SND1: variants seen among roughly 807,000 people sequenced by gnomAD.
The protein encoded by SND1 is staphylococcal nuclease and tudor domain containing 1, also known as staphylococcal nuclease domain-containing protein 1.
SND1 carries 38 observed loss-of-function variants against 121.7 expected under a neutral mutation model. The observed-to-expected ratio is 0.31, with a 90% confidence interval of 0.24 to 0.41. The LOEUF is 0.41. SND1 is among the 10% of genes least tolerant of loss of function. SND1 has a pLI of 1.00. For synonymous variants in SND1, 401 were observed against 447.4 expected (o/e 0.90, Z 1.31); for missense variants, 868 against 1,184.6 (o/e 0.73, Z 3.92).
chr7:127,922,194 T>TTTTTGTTTTTTTTTGTTTTTTTTTG (rs1554443290), intron 14 of SND1, among the ~76,000 whole-genome samples: 1 of 63,594 alleles, frequency 1.6e-5, no homozygotes, highest in African/African-American at 4.7e-5. Flanking sequence ...TTTTTTTTTT[T>TTTTTGTTTTTTTTTGTTTTTTTTTG]TTTTTTTTTG....
chr7:127,931,069 T>A (rs1800948321), intron 15 of SND1, among the ~76,000 whole-genome samples: 1 of 152,212 alleles, frequency 6.6e-6, no homozygotes, highest in Admixed American at 6.5e-5. Context: ...GATGGTAAAC[T>A]TAATTGATAA....
At chr7:127,887,719 G>C (rs866870207) in intron 12 of SND1, among the ~76,000 whole-genome samples, 183 bp from the exon 13 acceptor site, 1 of 151,882 alleles carries the variant, frequency 6.6e-6, no homozygotes, top group South Asian at 2.1e-4. Context: ...CTGAGCTAGG[G>C]AACTTTGTTA....
At chr7:127,980,918 A>G (rs1424053066) in intron 15 of SND1, among the ~76,000 whole-genome samples, 1 of 148,642 alleles carries the variant, frequency 6.7e-6, no homozygotes, top group East Asian at 2.0e-4. Flanking sequence ...TTAACATGGA[A>G]TAAAAAAGAC....
Position 127,679,861 on chromosome 7 carries a change from CTTT to C in SND1, c.79-6747_79-6745del, listed in dbSNP as rs765740254. ...TTGATGAACATTTATTGTTTTCTCT[CTTT>C]TTTTGGCTATTATGAATGATGTTGC... On this transcript the variant is annotated intron_variant, in intron 1 of 23. Transcript: ENST00000354725. Among the ~76,000 whole-genome samples the C allele has an allele frequency of 7.2e-5, 11 of 152,190 alleles. No homozygotes were observed. In the East Asian group the frequency reaches 1.9e-3, roughly 27 times the overall value.
intron 14 of SND1, among the ~76,000 whole-genome samples, chr7:127,928,506 G>A (rs141218795): frequency 0.014 from 1,955 of 139,354 alleles, 25 homozygotes; most frequent in South Asian, 0.05. Flanking sequence ...CCTAGGCGTC[G>A]CTTTTTTTTT....
chr7:127,932,122 G>T (rs1167814370), intron 15 of SND1, among the ~76,000 whole-genome samples: 1 of 152,172 alleles, frequency 6.6e-6, no homozygotes, highest in Admixed American at 6.5e-5. Flanking sequence ...TTCTTCTGAT[G>T]GATCTGGGAA....
chr7:127,812,526 A>G (rs1325868252), intron 11 of SND1, among the ~76,000 whole-genome samples: 1 of 152,216 alleles, frequency 6.6e-6, no homozygotes, highest in Non-Finnish European at 1.5e-5. Context: ...TTCGCTTGGC[A>G]TAGGTGTGAC....
chr7:127,844,543 GT>G, intron 12 of SND1, 119 bp downstream of exon 12: 1 of 763,508 alleles, frequency 1.3e-6, no homozygotes, highest in Non-Finnish European at 2.1e-6. Flanking sequence ...TAACTCAGTG[GT>G]TTATAATTTT....
At chr7:128,019,714 C>T (rs188265586) in intron 16 of SND1, among the ~76,000 whole-genome samples, 1 of 152,374 alleles carries the variant, frequency 6.6e-6, no homozygotes, top group East Asian at 1.9e-4. Flanking sequence ...TGGGACTTCA[C>T]TTGAAACCAT....
chr7:127,673,685 A>C (rs529549709), intron 1 of SND1, among the ~76,000 whole-genome samples: 44 of 152,316 alleles, frequency 2.9e-4, no homozygotes, highest in African/African-American at 1.1e-3. Flanking sequence ...AACATTTATT[A>C]GTTGTTTTTC....
At chr7:127,702,332 G>A (rs1385158663) in intron 5 of SND1, 103 bp from the exon 6 acceptor site, 2 of 1,032,242 alleles carry the variant, frequency 1.9e-6, no homozygotes, top group African/African-American at 3.1e-5. Context: ...CTTTCTCAGG[G>A]TTTTTGGGGA....
chr7:128,002,013 G>A (rs144845924), intron 16 of SND1, among the ~76,000 whole-genome samples: 40 of 152,376 alleles, frequency 2.6e-4, no homozygotes, highest in African/African-American at 9.1e-4. Flanking sequence ...CAAAACCAGA[G>A]TAGAGTTCTA....
At chr7:127,695,632 G>A (rs1018396779) in intron 3 of SND1, among the ~76,000 whole-genome samples, 1 of 152,144 alleles carries the variant, frequency 6.6e-6, no homozygotes, top group African/African-American at 2.4e-5. Flanking sequence ...AAGAGTTCGA[G>A]ACCAGCCTGG....
At chr7:128,032,780 C>G (rs1387994788) in intron 16 of SND1, among the ~76,000 whole-genome samples, 2 of 152,212 alleles carry the variant, frequency 1.3e-5, no homozygotes, top group African/African-American at 4.8e-5. Context: ...CGCTGCTGCA[C>G]TGCCGCCAGC....
At chr7:128,077,980 A>C (rs1793534486) in intron 17 of SND1, among the ~76,000 whole-genome samples, 1 of 152,206 alleles carries the variant, frequency 6.6e-6, no homozygotes, top group South Asian at 2.1e-4. Context: ...GAGCATCTAC[A>C]ATGGGGATTC....
At chr7:127,657,813 T>C (rs1349664208) in intron 1 of SND1, among the ~76,000 whole-genome samples, 1 of 152,226 alleles carries the variant, frequency 6.6e-6, no homozygotes, top group East Asian at 1.9e-4. Flanking sequence ...ATTTATTCTT[T>C]AGAGTTTTTA....
In SND1 at chr7:127,990,993, G is replaced by A. The variant is rs759289503; in HGVS notation, c.1716G>A (p.Gln572=). 6.2e-7 allele frequency: 1 copy of A among 1,614,072 alleles called. No homozygotes were observed. Among genetic ancestry groups the A allele is most frequent in the Non-Finnish European group, 8.5e-7 (1 of 1,179,966 alleles). Residue 572 remains glutamine (Q), a synonymous_variant, in exon 16 of 24, where the codon CAG becomes CAA. Coordinates refer to ENST00000354725, the MANE Select transcript of SND1 (RefSeq NM_014390.4). ...CCCGAAACCTCCCAGGCTTGGTGCA[G>A]GAAGGAGAGCCCTTCAGCGAGGAAG... ...RGARNLPGLV[Q]EGEPFSEEAT...
At chr7:127,916,399 CAG>C (rs1800580693) in intron 14 of SND1, among the ~76,000 whole-genome samples, 1 of 152,002 alleles carries the variant, frequency 6.6e-6, no homozygotes, top group Non-Finnish European at 1.5e-5. Flanking sequence ...TAAATGATGG[CAG>C]AGTAGATTTG....
At chr7:128,026,851 G>A (rs181179714) in intron 16 of SND1, among the ~76,000 whole-genome samples, 3 of 152,320 alleles carry the variant, frequency 2.0e-5, no homozygotes, top group Non-Finnish European at 2.9e-5. Context: ...AACACAGTTA[G>A]CTTGTAGAAG....
Sources: allele counts gnomAD v4.1 joint callset (sites outside exome capture counted in the v4.1 genomes callset), GRCh38; gene constraint gnomAD v4.1.1; transcripts MANE v1.5; gene names NCBI Gene and HGNC (gene_info 2026-07-23, HGNC 2026-07-21).